Variants in ANXA8 observed in about 807,000 individuals in gnomAD.
ANXA8 encodes the protein annexin A8, also known as VAC-beta.
A neutral mutation model predicts 26.8 loss-of-function variants in ANXA8; 9 were observed. The ratio of observed to expected loss-of-function variants is 0.34; its 90% CI spans 0.20 to 0.59. The LOEUF is 0.59. Among genes scored for constraint, ANXA8 ranks in the 20% least tolerant of loss-of-function variants. The probability of loss-of-function intolerance (pLI) is 0.84; values close to 1 mark genes in which losing one functional copy is unlikely to be tolerated. For synonymous variants in ANXA8, 39 were observed against 94.8 expected (o/e 0.41, Z 3.42); for missense variants, 83 against 238.5 (o/e 0.35, Z 4.29).
chr10:47,981,358 G>T, the ANXA8 span, among the ~76,000 whole-genome samples: 1 of 130,660 alleles, frequency 7.7e-6, no homozygotes, highest in Non-Finnish European at 1.6e-5. Context: ...GGGTGAAAGA[G>T]TGGATACTTT....
chr10:47,529,161 A>G, the ANXA8 span, among the ~76,000 whole-genome samples: 5,032 of 144,092 alleles, frequency 0.035, 601 homozygotes, highest in African/African-American at 0.12. Flanking sequence ...AGCAAGAATA[A>G]TCACAATAAA....
At chr10:47,762,208 G>C in the ANXA8 span, among the ~76,000 whole-genome samples, 2 of 151,914 alleles carry the variant, frequency 1.3e-5, no homozygotes, top group Admixed American at 6.6e-5. Flanking sequence ...TTGGTGCGAC[G>C]CGGTGGACGA....
At chr10:47,950,826 G>C in the ANXA8 span, among the ~76,000 whole-genome samples, 1 of 150,900 alleles carries the variant, frequency 6.6e-6, no homozygotes, top group African/African-American at 2.5e-5. Flanking sequence ...GTAATGATTA[G>C]AGACAAATTT....
chr10:47,620,934 G>A, the ANXA8 span, among the ~76,000 whole-genome samples: 73 of 111,148 alleles, frequency 6.6e-4, 18 homozygotes, highest in Admixed American at 3.1e-3. Context: ...CTAAATAAGG[G>A]CATGAGTGTT....
chr10:47,554,171 G>A, the ANXA8 span, among the ~76,000 whole-genome samples: 1 of 69,610 alleles, frequency 1.4e-5, no homozygotes, highest in Non-Finnish European at 2.4e-5. Flanking sequence ...CGTCGTGGCA[G>A]GGCGCCTGTG....
the ANXA8 span, among the ~76,000 whole-genome samples, chr10:47,558,670 G>A: frequency 1.2e-3 from 186 of 151,790 alleles, 6 homozygotes; most frequent in East Asian, 0.033. Flanking sequence ...ACAGGCATGA[G>A]CCACCATGCC....
chr10:47,656,937 G>C, the ANXA8 span, among the ~76,000 whole-genome samples: 1 of 150,156 alleles, frequency 6.7e-6, no homozygotes, highest in African/African-American at 2.5e-5. Flanking sequence ...GGGAAGTGTT[G>C]CCTGAGTCAG....
the ANXA8 span, chr10:47,720,109 T>C: frequency 2.4e-5 from 22 of 934,740 alleles, 2 homozygotes; most frequent in Non-Finnish European, 3.3e-5. Context: ...TTATTATAGA[T>C]CTGGAAAAAC....
the ANXA8 span, among the ~76,000 whole-genome samples, chr10:47,952,768 G>A: frequency 6.7e-6 from 1 of 148,672 alleles, no homozygotes; most frequent in Non-Finnish European, 1.5e-5. Context: ...GAAGACATGT[G>A]GTATAGGTTT....
the ANXA8 span, among the ~76,000 whole-genome samples, chr10:47,738,492 GC>G: frequency 1.3e-5 from 2 of 148,998 alleles, no homozygotes; most frequent in African/African-American, 2.5e-5. Flanking sequence ...AGAAGAGCAT[GC>G]TTTTTCAATT....
At chr10:47,585,263 C>CAA in the ANXA8 span, among the ~76,000 whole-genome samples, 62 of 43,596 alleles carry the variant, frequency 1.4e-3, 1 homozygote, top group African/African-American at 3.0e-3. Context: ...GACTCCATCT[C>CAA]AAAAAAAAAA....
chr10:47,748,607 C>CT, the ANXA8 span, among the ~76,000 whole-genome samples: 1 of 152,208 alleles, frequency 6.6e-6, no homozygotes, highest in African/African-American at 2.4e-5. Context: ...TTCTTCTTTT[C>CT]TTTTTTCTTT....
At chr10:47,947,416 G>C in the ANXA8 span, among the ~76,000 whole-genome samples, 743 of 142,398 alleles carry the variant, frequency 5.2e-3, 1 homozygote, top group African/African-American at 0.019. Context: ...CCCCAATGCA[G>C]CAGTTTTGAG....
the ANXA8 span, among the ~76,000 whole-genome samples, chr10:47,497,503 C>T: frequency 6.8e-6 from 1 of 147,944 alleles, no homozygotes; most frequent in African/African-American, 2.5e-5. Context: ...CCTGTAATCC[C>T]AGCTACTCAG....
chr10:47,918,356 GGAGAGAGAGA>G, the ANXA8 span, among the ~76,000 whole-genome samples: 3 of 17,752 alleles, frequency 1.7e-4, no homozygotes, highest in African/African-American at 6.9e-4. Context: ...GGGGAGGGAG[GGAGAGAGAGA>G]GAGAGAGAGA....
the ANXA8 span, among the ~76,000 whole-genome samples, chr10:47,595,534 C>T: frequency 6.7e-6 from 1 of 149,188 alleles, no homozygotes; most frequent in Non-Finnish European, 1.5e-5. Flanking sequence ...CAACTAATGA[C>T]ACTCATGGGT....
chr10:47,645,070 T>G, the ANXA8 span, among the ~76,000 whole-genome samples: 1 of 151,712 alleles, frequency 6.6e-6, no homozygotes, highest in Admixed American at 6.6e-5. Context: ...GAAATTAAAC[T>G]CATCCCTAGT....
chr10:47,596,321 AAG>A, the ANXA8 span, among the ~76,000 whole-genome samples: 7 of 111,246 alleles, frequency 6.3e-5, no homozygotes, highest in Non-Finnish European at 1.2e-4. Flanking sequence ...CTACATCAAA[AAG>A]ATAGAAATAT....
At chr10:47,895,408 G>A in the ANXA8 span, among the ~76,000 whole-genome samples, 1 of 146,522 alleles carries the variant, frequency 6.8e-6, no homozygotes, top group Non-Finnish European at 1.5e-5. Flanking sequence ...TAAAGGCATT[G>A]GAAGGGAAAT....
Sources: gnomAD v4.1 joint callset for allele counts (sites outside exome capture counted in the v4.1 genomes callset) on GRCh38, gnomAD v4.1.1 for gene constraint, MANE v1.5 for transcripts, NCBI Gene and HGNC (gene_info 2026-07-23, HGNC 2026-07-21) for gene names.